The following APPL2 variants were observed in gnomAD, a reference collection of about 807,000 sequenced individuals.
APPL2 encodes the protein adaptor protein, phosphotyrosine interacting with PH domain and leucine zipper 2.
In APPL2, 84 loss-of-function variants were observed where a neutral mutation model predicts 92.7. That is an observed-to-expected ratio of 0.91 (90% CI 0.76 to 1.09). APPL2 has a LOEUF of 1.09. Among genes scored for constraint, APPL2 ranks in the 50% least tolerant of loss-of-function variants. The probability of loss-of-function intolerance (pLI) is 0.00; values close to 1 mark genes in which losing one functional copy is unlikely to be tolerated. For missense variants in APPL2, 736 were observed against 824.5 expected, an observed-to-expected ratio of 0.89 and a Z score of 1.31; for synonymous variants, 291 against 291.0, an observed-to-expected ratio of 1.00 and a Z score of 0.00.
chr12:105,186,497 C>G (rs1886620205), intron 17 of APPL2, among the ~76,000 whole-genome samples: 2 of 151,614 alleles, frequency 1.3e-5, no homozygotes, highest in South Asian at 4.2e-4. Context: ...GGGTAACTAC[C>G]CAGGAGCCCG....
chr12:105,206,282 A>G (rs372384936), intron 8 of APPL2, among the ~76,000 whole-genome samples: 1 of 152,202 alleles, frequency 6.6e-6, no homozygotes, highest in South Asian at 2.1e-4. Context: ...CTTTTTCTTA[A>G]TAACATTTTG....
intron 5 of APPL2, among the ~76,000 whole-genome samples, 177 bp from the exon 6 acceptor site, chr12:105,208,376 C>T (rs532168405): frequency 3.3e-5 from 5 of 152,308 alleles, no homozygotes; most frequent in South Asian, 2.1e-4. Context: ...CTGGAACATA[C>T]GGCTTCAACC....
At chr12:105,179,351 G>T (rs944126848) in intron 17 of APPL2, among the ~76,000 whole-genome samples, 4 of 152,206 alleles carry the variant, frequency 2.6e-5, no homozygotes, top group African/African-American at 7.2e-5. Context: ...ATTCCTTGGT[G>T]TATATGTGCC....
chr12:105,205,554 C>T (rs1220742566), intron 8 of APPL2, among the ~76,000 whole-genome samples: 1 of 152,196 alleles, frequency 6.6e-6, no homozygotes, highest in African/African-American at 2.4e-5. Context: ...CAAGCTTGTC[C>T]TGTAGGCCTT....
intron 9 of APPL2, among the ~76,000 whole-genome samples, chr12:105,202,197 TCAGA>T (rs1888267606): frequency 6.6e-6 from 1 of 152,184 alleles, no homozygotes; most frequent in African/African-American, 2.4e-5. Flanking sequence ...ATACAGCTTG[TCAGA>T]CAGAGGGGGT....
At chr12:105,174,886 G>T (rs959492412) in intron 20 of APPL2, among the ~76,000 whole-genome samples, 1 of 140,604 alleles carries the variant, frequency 7.1e-6, no homozygotes, top group Non-Finnish European at 1.6e-5. Flanking sequence ...TGGGGGGGGG[G>T]GTGGTGCGGC....
At chr12:105,214,987 G>C (rs779166359) in intron 4 of APPL2, among the ~76,000 whole-genome samples, 1 of 152,158 alleles carries the variant, frequency 6.6e-6, no homozygotes, top group Non-Finnish European at 1.5e-5. Context: ...GAGAGGGCAC[G>C]GAAGTTCCAC....
At chr12:105,203,878 C>A in intron 8 of APPL2, 93 bp from the exon 9 acceptor site, 2 of 1,140,434 alleles carry the variant, frequency 1.8e-6, no homozygotes, top group East Asian at 2.5e-5. Context: ...GGGCAGCCAT[C>A]ACAGCTGGCT....
intron 2 of APPL2, among the ~76,000 whole-genome samples, chr12:105,221,749 G>C (rs527273964): frequency 6.6e-6 from 1 of 152,230 alleles, no homozygotes; most frequent in East Asian, 1.9e-4. Flanking sequence ...ACACCCTGAG[G>C]AGGGTTTGCT....
chr12:105,186,051 T>G (rs923415389), intron 17 of APPL2, among the ~76,000 whole-genome samples: 4 of 152,222 alleles, frequency 2.6e-5, no homozygotes, highest in Non-Finnish European at 4.4e-5. Flanking sequence ...GTACCTGGCT[T>G]CTTTCACTTA....
intron 11 of APPL2, among the ~76,000 whole-genome samples, chr12:105,196,423 CTCTTTTTTTTT>C (rs1358450789): frequency 1.9e-5 from 2 of 103,642 alleles, no homozygotes; most frequent in Non-Finnish European, 3.6e-5. Context: ...GAGGCGTTAA[CTCTTTTTTTTT>C]TTTTTTTTTT....
At chr12:105,179,198 C>G (rs1885864759) in intron 17 of APPL2, among the ~76,000 whole-genome samples, 1 of 152,184 alleles carries the variant, frequency 6.6e-6, no homozygotes, top group Non-Finnish European at 1.5e-5. Flanking sequence ...TATATGTTCT[C>G]ATTGTTCAGC....
In APPL2 at chr12:105,199,411, C is replaced by G; in HGVS notation, c.825G>C (p.Arg275Ser). 6.2e-7 allele frequency: 1 copy of G among 1,613,830 alleles called. No individual in the cohort carries two copies. ...GGTAACCAGCCTTCTGGATGAGGTT[C>G]CTGTTGATCTGTGGTGCGGCCACAT... ...DSDVAAPQIN[R>S]NLIQKAGYLN... Residue 275 changes from arginine to serine, a missense_variant, in exon 10 of 21, where the codon AGG (arginine) becomes AGC (serine). Transcript: ENST00000258530.
chr12:105,233,285 A>T, intron 1 of APPL2: 1 of 985,476 alleles, frequency 1.0e-6, no homozygotes, highest in Non-Finnish European at 1.2e-6. Context: ...GTGCCAGGCA[A>T]GGAGCAGAGG....
chr12:105,193,462 C>G (rs970719448), intron 14 of APPL2, among the ~76,000 whole-genome samples: 2 of 152,198 alleles, frequency 1.3e-5, no homozygotes, highest in African/African-American at 4.8e-5. Flanking sequence ...CGTTAGAACC[C>G]ATGTCTCTCA....
At chr12:105,194,994 A>G (rs1387784571) in intron 14 of APPL2, among the ~76,000 whole-genome samples, 14 of 151,980 alleles carry the variant, frequency 9.2e-5, no homozygotes, top group Non-Finnish European at 1.9e-4. Context: ...CCCTCCATGC[A>G]CGTCCTGTTT....
intron 4 of APPL2, among the ~76,000 whole-genome samples, chr12:105,214,309 T>C (rs189686554): frequency 1.3e-5 from 2 of 152,236 alleles, no homozygotes; most frequent in Non-Finnish European, 2.9e-5. Context: ...CTGGAAATCT[T>C]GCTTCTGGGG....
intron 10 of APPL2, 60 bp from the exon 11 acceptor site, chr12:105,198,013 G>T: frequency 6.5e-7 from 1 of 1,544,038 alleles, no homozygotes; most frequent in Non-Finnish European, 8.8e-7. Flanking sequence ...CCACCTCCAA[G>T]TCTTGCTACC....
intron 4 of APPL2, among the ~76,000 whole-genome samples, chr12:105,216,021 C>G (rs956597376): frequency 6.6e-6 from 1 of 152,070 alleles, no homozygotes; most frequent in African/African-American, 2.4e-5. Context: ...AGCGAGACTC[C>G]GTCTTATAAA....
Sources: allele counts gnomAD v4.1 joint callset (sites outside exome capture counted in the v4.1 genomes callset), GRCh38; gene constraint gnomAD v4.1.1; transcripts MANE v1.5; gene names NCBI Gene and HGNC (gene_info 2026-07-23, HGNC 2026-07-21).